Variants in STEAP3 observed in about 807,000 individuals in gnomAD.
STEAP3 encodes metalloreductase STEAP3.
In STEAP3, 35 loss-of-function variants were observed where a neutral mutation model predicts 34.9. That is an observed-to-expected ratio of 1.00 (90% CI 0.76 to 1.33). STEAP3 has a LOEUF of 1.33. Ranked by LOEUF, STEAP3 falls within the 40% of genes most tolerant of loss-of-function variation. STEAP3 has a pLI of 0.00. For synonymous variants in STEAP3, 281 were observed against 301.6 expected (o/e 0.93, Z 0.71); for missense variants, 652 against 667.6 (o/e 0.98, Z 0.26).
intron 2 of STEAP3, among the ~76,000 whole-genome samples, chr2:119,231,612 T>C (rs377475299): frequency 3.3e-5 from 5 of 152,274 alleles, no homozygotes; most frequent in Admixed American, 6.5e-5. Flanking sequence ...GTAAACTCTT[T>C]TCCATCAGAC....
intron 3 of STEAP3, among the ~76,000 whole-genome samples, chr2:119,247,361 G>T (rs1677461822): frequency 6.6e-6 from 1 of 152,228 alleles, no homozygotes; most frequent in African/African-American, 2.4e-5. Flanking sequence ...GGGCCCATGG[G>T]GACTACCTGG....
In STEAP3 at chr2:119,247,826, G is replaced by A. The variant is rs761354284; in HGVS notation, c.670G>A (p.Val224Met). 1.9e-6 allele frequency: 3 copies of A among 1,613,002 alleles called. No individual in the cohort carries two copies. Among genetic ancestry groups the A allele is most frequent in the East Asian group, 2.2e-5 (1 of 44,864 alleles). ...CCTGCGCCTCCTCCCGGCCTGGAAG[G>A]TGCCCACCCTGCTGGCCCTGGGGCT... ...MPLRLLPAWK[V>M]PTLLALGLFV... Residue 224 changes from valine to methionine, a missense_variant, in exon 4 of 6, where the codon GTG becomes ATG. By Grantham distance (21) the Val-to-Met change is conservative. Coordinates refer to ENST00000393110, the MANE Select transcript of STEAP3 (RefSeq NM_182915.3).
At chr2:119,226,314 G>A (rs1679038935) in intron 1 of STEAP3, among the ~76,000 whole-genome samples, 1 of 152,194 alleles carries the variant, frequency 6.6e-6, no homozygotes, top group Admixed American at 6.5e-5. Context: ...CACCCACGGT[G>A]CGTAGTGGCC....
rs1678051088 is a variant in STEAP3, at chr2:119,264,638, C to T, written c.*1300C>T. ...CAGGTGTTCTCGGCTGAGCCCCCAA[C>T]CCTCTGCAGAACCAGGTTGATCTGC... On this transcript the variant is annotated 3_prime_UTR_variant, in exon 6 of 6. Coordinates refer to ENST00000393110, the MANE Select transcript of STEAP3 (RefSeq NM_182915.3). 1 of 152,288 alleles carries T rather than the reference C, an allele frequency of 6.6e-6. No individual in the cohort carries two copies. The highest frequency in any genetic ancestry group is 2.4e-5 in the African/African-American group (1 of 41,448). The allele number at this position is 152,288 out of a possible 1,614,324, so 9.4% of individuals were successfully genotyped here.
intron 2 of STEAP3, among the ~76,000 whole-genome samples, chr2:119,232,267 C>T (rs895623077): frequency 1.3e-5 from 2 of 152,170 alleles, no homozygotes; most frequent in Non-Finnish European, 2.9e-5. Flanking sequence ...ACAGTGGATC[C>T]GGGGCAGGCA....
rs187451720 is a variant in STEAP3 at position 119,240,275 on chromosome 2, G to A, written c.23-5214G>A. The stretch of plus-strand genomic sequence containing the variant: ...ATAACTGTGGGCTGCTTGAGGACAA[G>A]AACTGGGTTATTTTCTCTCTCTTTG... On this transcript the variant is annotated intron_variant, in intron 2 of 5. Coordinates refer to ENST00000393110, the MANE Select transcript of STEAP3 (RefSeq NM_182915.3). 6.1e-3 allele frequency among the ~76,000 whole-genome samples: 930 copies of A among 152,378 alleles called. 22 individuals carry two copies. In the South Asian group the frequency reaches 0.074, roughly 12 times the overall value.
chr2:119,238,577 A>C (rs838092), intron 2 of STEAP3, among the ~76,000 whole-genome samples: 1 of 151,964 alleles, frequency 6.6e-6, no homozygotes, highest in African/African-American at 2.4e-5. Context: ...CTCCATTCTG[A>C]GTTGGCTTTG....
chr2:119,236,195 T>C (rs755553024), intron 2 of STEAP3, among the ~76,000 whole-genome samples: 1 of 152,162 alleles, frequency 6.6e-6, no homozygotes, highest in Non-Finnish European at 1.5e-5. Context: ...GACAAAAAGA[T>C]TTACAAAATA....
Position 119,230,734 on chromosome 2 carries a change from G to A in STEAP3, c.-279G>A, listed in dbSNP as rs923889722. 23 of 550,264 alleles carry A rather than the reference G, an allele frequency of 4.2e-5. No individual in the cohort carries two copies. The highest frequency in any genetic ancestry group is 2.6e-4 in the South Asian group (12 of 45,318). The allele number at this position is 550,264 out of a possible 1,614,324, so 34.1% of individuals were successfully genotyped here. ...TTATCACCCGTGAGGTTTCCTCCCC[G>A]AGCAGGAAGCAGCAGGCCAGAGCTG... On this transcript the variant is annotated 5_prime_UTR_variant, in exon 2 of 6. Transcript: ENST00000393110.
At position 119,263,095 on chromosome 2, in the gene STEAP3, G is replaced by A. The variant is rs1385413045; in HGVS notation, c.1254G>A (p.Leu418=). 2 of 1,610,340 alleles carry A rather than the reference G, an allele frequency of 1.2e-6. No homozygotes were observed. The highest frequency in any genetic ancestry group is 1.7e-6 in the Non-Finnish European group (2 of 1,179,986). Residue 418 remains leucine, a synonymous_variant, in exon 6 of 6, where the codon CTG becomes CTA. Transcript: ENST00000393110. ...TTGTGGCCCTCGTGCTGAGCACACT[G>A]CACACGCTCACCTACGGCTGGACCC... ...LGFVALVLST[L]HTLTYGWTRA...
intron 5 of STEAP3, among the ~76,000 whole-genome samples, chr2:119,258,774 ATT>A (rs57860527): frequency 0.064 from 7,705 of 120,902 alleles, 191 homozygotes; most frequent in Middle Eastern, 0.12. Context: ...CACCTGGCTA[ATT>A]TTTTTTTTTT....
intron 2 of STEAP3, among the ~76,000 whole-genome samples, chr2:119,240,111 A>G (rs1677203959): frequency 6.6e-6 from 1 of 152,212 alleles, no homozygotes; most frequent in African/African-American, 2.4e-5. Context: ...GTCTGAGACA[A>G]GAGAATTGCT....
chr2:119,263,087 A>T lies in STEAP3; in HGVS notation c.1246A>T (p.Ser416Cys), dbSNP rs2104854970. The T allele has an allele frequency of 6.2e-7, 1 of 1,609,364 alleles. No homozygotes were observed. Among genetic ancestry groups the T allele is most frequent in the East Asian group, 2.2e-5 (1 of 44,858 alleles). The change falls in exon 6 of 6, where the codon AGC (serine) becomes TGC (cysteine). Residue 416 changes from serine to cysteine, a missense_variant. Transcript: ENST00000393110. ...ACTGGGCTTTGTGGCCCTCGTGCTG[A>T]GCACACTGCACACGCTCACCTACGG... is the stretch of plus-strand genomic sequence containing the variant. ...SSLGFVALVL[S>C]TLHTLTYGWT...
At chr2:119,243,800 G>A (rs912210047) in intron 2 of STEAP3, among the ~76,000 whole-genome samples, 4 of 152,234 alleles carry the variant, frequency 2.6e-5, no homozygotes, top group Non-Finnish European at 4.4e-5. Context: ...CTTCATAGCA[G>A]AGCCGGGCCC....
At chr2:119,242,061 C>A (rs938815905) in intron 2 of STEAP3, among the ~76,000 whole-genome samples, 1 of 152,158 alleles carries the variant, frequency 6.6e-6, no homozygotes. Context: ...TATTCAAGCC[C>A]CCTTTCCCCC....
intron 2 of STEAP3, among the ~76,000 whole-genome samples, chr2:119,237,200 AC>A (rs1281106537): frequency 1.3e-5 from 2 of 152,152 alleles, no homozygotes; most frequent in African/African-American, 4.8e-5. Context: ...CACCTTAGTA[AC>A]CTGCAAGGTC....
intron 2 of STEAP3, among the ~76,000 whole-genome samples, chr2:119,240,781 C>G (rs915885767): frequency 3.9e-5 from 6 of 152,196 alleles, no homozygotes; most frequent in Non-Finnish European, 7.3e-5. Context: ...GCCCACAGAG[C>G]TGCAATCTGA....
At chr2:119,230,231 G>T (rs1264121945) in intron 1 of STEAP3, among the ~76,000 whole-genome samples, 1 of 152,136 alleles carries the variant, frequency 6.6e-6, no homozygotes. Flanking sequence ...GCCTCCTTTG[G>T]GCTGCCGGTG....
intron 2 of STEAP3, among the ~76,000 whole-genome samples, chr2:119,234,024 C>T (rs1048201227): frequency 6.6e-5 from 10 of 152,122 alleles, no homozygotes; most frequent in Non-Finnish European, 1.2e-4. Flanking sequence ...AGGGCCCCTC[C>T]GAGGCTTCCA....
Sources: allele counts gnomAD v4.1 joint callset (sites outside exome capture counted in the v4.1 genomes callset), GRCh38; gene constraint gnomAD v4.1.1; transcripts MANE v1.5; gene names NCBI Gene and HGNC (gene_info 2026-07-23, HGNC 2026-07-21).